Variants in BRME1 observed in about 807,000 individuals in gnomAD.
BRME1 encodes BRCA2 and MEILB2-associating protein 1.
In BRME1, 31 loss-of-function variants were observed where a neutral mutation model predicts 52.6. The ratio of observed to expected loss-of-function variants is 0.59; its 90% CI spans 0.44 to 0.80. The LOEUF is 0.80. Among genes scored for constraint, BRME1 ranks in the 30% least tolerant of loss-of-function variants. The probability of loss-of-function intolerance (pLI) is 0.00; values close to 1 mark genes in which losing one functional copy is unlikely to be tolerated. For synonymous variants in BRME1, 359 were observed against 353.6 expected (o/e 1.02, Z -0.17); for missense variants, 804 against 860.3 (o/e 0.93, Z 0.82).
chr19:13,898,694 C>T lies in BRME1; in HGVS notation c.32-3148G>A, dbSNP rs888573951. ...ATCCCAGCACTTTGGGAGGCTGAGG[C>T]GGGCGGATCCCCTGAGGTCGGGAGT... On this transcript the variant is annotated intron_variant, in intron 2 of 8. Coordinates refer to ENST00000586783, the MANE Select transcript of BRME1 (RefSeq NM_001345843.2). 4.6e-5 allele frequency among the ~76,000 whole-genome samples: 7 copies of T among 152,078 alleles called. No homozygotes were observed. In the South Asian group the frequency reaches 1.5e-3, roughly 32 times the overall value.
chr19:13,897,931 T>C (rs572437140), intron 2 of BRME1, among the ~76,000 whole-genome samples: 1 of 151,526 alleles, frequency 6.6e-6, no homozygotes, highest in African/African-American at 2.4e-5. Context: ...AAACCCCATC[T>C]CTACTAAAAA....
chr19:13,882,937 GC>G lies in BRME1; in HGVS notation c.1871del (p.Gly624AlafsTer49), dbSNP rs1353594826. On this transcript the variant is annotated frameshift_variant, in exon 9 of 9. Transcript: ENST00000586783. LOFTEE classifies it low-confidence loss of function (END_TRUNC). The stretch of plus-strand genomic sequence containing the variant: ...TGAAAGCTTCCAGGTCCCGGTGGGT[GC>G]CCATGATCAGCCGGCTGTGGGGGAA... ...ELSNLNRLIMGTHRDLEAFKR... is the reference protein window; with the variant it reads ...ELSNLNRLIMXTHRDLEAFKR... 5 of 1,612,948 alleles carry G rather than the reference GC, an allele frequency of 3.1e-6. No individual in the cohort carries two copies. Among genetic ancestry groups the G allele is most frequent in the Non-Finnish European group, 4.2e-6 (5 of 1,179,844 alleles).
At chr19:13,903,247 C>T (rs917046255) in intron 2 of BRME1, among the ~76,000 whole-genome samples, 2 of 152,118 alleles carry the variant, frequency 1.3e-5, no homozygotes, top group Non-Finnish European at 2.9e-5. Context: ...GGATTCTTCA[C>T]CTTGGAGGAC....
In BRME1 at chr19:13,889,282, C is replaced by A; in HGVS notation, c.1574G>T (p.Trp525Leu). ...HLPHSADQGT[W>L]ADSLAVELDF... ...GAGTTCCACAGCTAAAGAGTCTGCCCAGGTGCCCTGGTCTGCAGAATGAGG... is the reference window on the plus strand; with the variant it reads ...GAGTTCCACAGCTAAAGAGTCTGCCAAGGTGCCCTGGTCTGCAGAATGAGG... The change falls in exon 6 of 9, where the codon TGG becomes TTG. Residue 525 changes from tryptophan to leucine, a missense_variant. By Grantham distance (61) the Trp-to-Leu change is moderately conservative (BLOSUM62 -2). Around this residue, in one of 3 missense-constraint regions of BRME1, gnomAD observed 552 missense variants for 561.1 expected, o/e 0.98. Coordinates refer to ENST00000586783, the MANE Select transcript of BRME1 (RefSeq NM_001345843.2). 6.2e-7 allele frequency: 1 copy of A among 1,614,138 alleles called. No homozygotes were observed. Among genetic ancestry groups the A allele is most frequent in the Non-Finnish European group, 8.5e-7 (1 of 1,180,032 alleles).
rs2145213050 is a variant in BRME1 at position 13,898,963 on chromosome 19, C to T, written c.32-3417G>A. Among the ~76,000 whole-genome samples the T allele has an allele frequency of 2.0e-5, 3 of 150,006 alleles. 1 individual carries two copies. The South Asian group carries it at 6.4e-4, about 32-fold the overall frequency. Reference sequence around the variant, plus strand: ...AAAAAAAAGAATAACACTATCCAAACCCCAGATGGACTCTTTCCAACCTCA... The same window carrying T: ...AAAAAAAAGAATAACACTATCCAAATCCCAGATGGACTCTTTCCAACCTCA... On this transcript the variant is annotated intron_variant, in intron 2 of 8. Coordinates refer to ENST00000586783, the MANE Select transcript of BRME1 (RefSeq NM_001345843.2).
Position 13,884,345 on chromosome 19 carries a change from G to A in BRME1, c.1764-945C>T, listed in dbSNP as rs548053332. Among the ~76,000 whole-genome samples, 349 of 151,518 alleles carry A rather than the reference G, an allele frequency of 2.3e-3. 1 individual carries two copies. Among genetic ancestry groups the A allele is most frequent in the Admixed American group, 4.5e-3 (68 of 15,196 alleles). On this transcript the variant is annotated intron_variant, in intron 7 of 8. Transcript: ENST00000586783. Reference sequence around the variant, plus strand: ...CAAGACTCTATCTAAAAAATATCCCGCCAGGCACGATGGCTCATGCCTGTA... The same window carrying A: ...CAAGACTCTATCTAAAAAATATCCCACCAGGCACGATGGCTCATGCCTGTA...
intron 3 of BRME1, 93 bp downstream of exon 3, chr19:13,895,279 G>C: frequency 7.4e-7 from 1 of 1,356,674 alleles, no homozygotes; most frequent in Non-Finnish European, 1.0e-6. Flanking sequence ...GATAGGTTGT[G>C]GGTCTCTTTC....
intron 3 of BRME1, 52 bp from the exon 4 acceptor site, chr19:13,893,275 A>C: frequency 7.4e-6 from 11 of 1,487,552 alleles, no homozygotes; most frequent in Non-Finnish European, 1.0e-5. Flanking sequence ...GCGGTGGCTC[A>C]CACCTGTAAT....
chr19:13,898,574 C>A (rs1315966151), intron 2 of BRME1, among the ~76,000 whole-genome samples: 1 of 151,960 alleles, frequency 6.6e-6, no homozygotes, highest in Non-Finnish European at 1.5e-5. Flanking sequence ...TGTGCCACTG[C>A]ACTCTGGCCT....
In BRME1 at chr19:13,883,300, C is replaced by A; in HGVS notation, c.1856+8G>T. On this transcript the variant is annotated splice_region_variant and intron_variant, in intron 8 of 8. Transcript: ENST00000586783. The surrounding 1 kb of genome is among the most constrained non-coding windows in gnomAD (Gnocchi z 4.2). ...ACCCTGTGCCGTGAGTCCAAGCCCA[C>A]CCCGTACTTCAGGTTGGAGAGCTCA... 1 of 1,531,278 alleles carries A rather than the reference C, an allele frequency of 6.5e-7. No individual in the cohort carries two copies. The highest frequency in any genetic ancestry group is 8.7e-7 in the Non-Finnish European group (1 of 1,142,884). 94.9% of individuals were successfully genotyped at this position (1,531,278 alleles called of 1,614,324 possible). A position where few individuals can be genotyped will look rare whatever the true frequency, so the allele number is the denominator to read the frequency against.
chr19:13,903,454 C>T (rs1407384640), intron 2 of BRME1, among the ~76,000 whole-genome samples: 1 of 152,098 alleles, frequency 6.6e-6, no homozygotes, highest in Non-Finnish European at 1.5e-5. Flanking sequence ...AGGCAGATCA[C>T]CTGAGGTCAG....
At chr19:13,887,522 C>T (rs1174381391) in intron 6 of BRME1, among the ~76,000 whole-genome samples, 1 of 152,234 alleles carries the variant, frequency 6.6e-6, no homozygotes, top group Non-Finnish European at 1.5e-5. Flanking sequence ...CTAGGGGCTT[C>T]ACCTGCTGGA....
At chr19:13,904,942 A>G (rs1422108757) in intron 1 of BRME1, 29 bp from the exon 2 acceptor site, 17 of 1,557,440 alleles carry the variant, frequency 1.1e-5, no homozygotes, top group Non-Finnish European at 1.5e-5. Context: ...TCTCATCATT[A>G]TAAGCAGTCT....
chr19:13,905,236 C>A (rs1970604273), intron 1 of BRME1, among the ~76,000 whole-genome samples: 1 of 152,132 alleles, frequency 6.6e-6, no homozygotes, highest in South Asian at 2.1e-4. Context: ...CTGTGTGAAG[C>A]CCCTCCCTCC....
In BRME1 at chr19:13,882,661, C is replaced by CT; in HGVS notation, c.*140dup. 1 of 1,142,730 alleles carries CT rather than the reference C, an allele frequency of 8.8e-7. No individual in the cohort carries two copies. The highest frequency in any genetic ancestry group is 1.3e-6 in the Non-Finnish European group (1 of 793,546). 70.8% of individuals were successfully genotyped at this position (1,142,730 alleles called of 1,614,324 possible). A position where few individuals can be genotyped will look rare whatever the true frequency, so the allele number is the denominator to read the frequency against. On this transcript the variant is annotated 3_prime_UTR_variant, in exon 9 of 9. Transcript: ENST00000586783. The stretch of plus-strand genomic sequence containing the variant: ...GGTGAGGCCAGGACCTCACGGCCTC[C>CT]TTTGTGTTGTCCATGGAAGACCAAC...
At chr19:13,887,625 G>A (rs1969131566) in intron 6 of BRME1, among the ~76,000 whole-genome samples, 2 of 152,210 alleles carry the variant, frequency 1.3e-5, no homozygotes, top group Admixed American at 1.3e-4. Context: ...TGGAGGCAAT[G>A]GAGGCGGCTC....
In BRME1 at chr19:13,882,638, T is replaced by G; in HGVS notation, c.*164A>C. ...GCAAATGACCTTGACCCTGGCCAGG[T>G]GAGGCCAGGACCTCACGGCCTCCTT... On this transcript the variant is annotated 3_prime_UTR_variant, in exon 9 of 9. Coordinates refer to ENST00000586783, the MANE Select transcript of BRME1 (RefSeq NM_001345843.2). 2 of 851,750 alleles carry G rather than the reference T, an allele frequency of 2.3e-6. No homozygotes were observed. Among genetic ancestry groups the G allele is most frequent in the East Asian group, 5.2e-5 (2 of 38,374 alleles). 52.8% of individuals were successfully genotyped at this position (851,750 alleles called of 1,614,324 possible).
chr19:13,889,144 G>C (rs376128927), intron 6 of BRME1, 44 bp downstream of exon 6: 5 of 1,499,894 alleles, frequency 3.3e-6, no homozygotes, highest in Non-Finnish European at 3.6e-6. Flanking sequence ...GAGGTTGGGT[G>C]CCTGCCCTGG....
At chr19:13,904,039 C>T (rs887681569) in intron 2 of BRME1, among the ~76,000 whole-genome samples, 2 of 152,194 alleles carry the variant, frequency 1.3e-5, no homozygotes, top group Admixed American at 6.6e-5. Context: ...CAGAGGCTTG[C>T]AGAAGCTCCA....
Sources: allele counts gnomAD v4.1 joint callset (sites outside exome capture counted in the v4.1 genomes callset), GRCh38; gene constraint gnomAD v4.1.1; regional missense constraint gnomAD v4.1.1; non-coding constraint Gnocchi (gnomAD v3.1); transcripts MANE v1.5; gene names NCBI Gene and HGNC (gene_info 2026-07-23, HGNC 2026-07-21).